The following PIGN variants were observed in gnomAD, a reference collection of about 807,000 sequenced individuals.
PIGN encodes the protein GPI ethanolamine phosphate transferase 1.
In PIGN, 117 loss-of-function variants were observed where a neutral mutation model predicts 125.4. The observed-to-expected ratio is 0.93, with a 90% CI of 0.80 to 1.09. The LOEUF (loss-of-function observed/expected upper bound fraction) is 1.09. Ranked by LOEUF, PIGN falls within the 50% of genes least tolerant of loss-of-function variation. The pLI, the probability that PIGN is intolerant of heterozygous loss-of-function variation, is 0.00. For missense variants in PIGN, 1,075 were observed against 1,094.9 expected (o/e 0.98, Z 0.26); for synonymous variants, 392 against 377.8 (o/e 1.04, Z -0.44).
chr18:62,111,304 T>C (rs984224848), intron 16 of PIGN, among the ~76,000 whole-genome samples: 5 of 152,108 alleles, frequency 3.3e-5, no homozygotes, highest in African/African-American at 4.8e-5. Context: ...TGGGGCTCAA[T>C]ACATACTACT....
At chr18:62,148,961 T>A (rs910808448) in intron 7 of PIGN, among the ~76,000 whole-genome samples, 1 of 152,188 alleles carries the variant, frequency 6.6e-6, no homozygotes, top group Non-Finnish European at 1.5e-5. Context: ...TAAATAATGA[T>A]AAACTAGATT....
Position 62,070,978 on chromosome 18 carries a change from T to G in PIGN, c.2672+1695A>C, listed in dbSNP as rs2145670654. 2.0e-5 allele frequency among the ~76,000 whole-genome samples: 3 copies of G among 152,104 alleles called. 1 individual carries two copies. The highest frequency in any genetic ancestry group is 2.0e-4 in the Admixed American group (3 of 15,282). On this transcript the variant is annotated intron_variant, in intron 30 of 30. Transcript: ENST00000640252. ...GGGCCACTGCACTCGGGTAATTTTT[T>G]TTTTGCTTTTTGTAGAAACAGGGTC... is the stretch of plus-strand genomic sequence containing the variant.
At chr18:62,046,296 AG>A (rs1412559716) in intron 30 of PIGN, among the ~76,000 whole-genome samples, 1 of 151,794 alleles carries the variant, frequency 6.6e-6, no homozygotes, top group African/African-American at 2.4e-5. Context: ...ACTTCAGACC[AG>A]GGGTCCCCAA....
At chr18:62,184,169 A>T (rs1156884807) in intron 1 of PIGN, among the ~76,000 whole-genome samples, 1 of 152,222 alleles carries the variant, frequency 6.6e-6, no homozygotes, top group Non-Finnish European at 1.5e-5. Context: ...TAAAACCTCA[A>T]GTCAACCAAA....
intron 28 of PIGN, among the ~76,000 whole-genome samples, chr18:62,077,370 C>T (rs4941105): frequency 0.3 from 45,777 of 151,912 alleles, 8,050 homozygotes; most frequent in East Asian, 0.58. Flanking sequence ...GAGACTCTGC[C>T]TCAAAACAAA....
chr18:62,136,913 C>G, intron 14 of PIGN: 1 of 392,722 alleles, frequency 2.5e-6, no homozygotes, highest in East Asian at 3.6e-5. Context: ...ACAGCAAAAT[C>G]TGCTGCTCAC....
At chr18:62,181,132 A>T (rs12458636) in intron 1 of PIGN, among the ~76,000 whole-genome samples, 62,331 of 151,954 alleles carry the variant, frequency 0.41, 13,460 homozygotes, top group East Asian at 0.78. Flanking sequence ...CATCAGAAAG[A>T]AAAAGGTTTT....
At chr18:62,073,170 G>GGGGT (rs1555676733) in intron 29 of PIGN, among the ~76,000 whole-genome samples, 26 of 145,480 alleles carry the variant, frequency 1.8e-4, no homozygotes, top group Middle Eastern at 7.1e-3. Flanking sequence ...AATTATCAGG[G>GGGGT]GTGTGTGTGT....
At chr18:62,164,468 C>T (rs148985165) in intron 1 of PIGN, among the ~76,000 whole-genome samples, 12 of 152,282 alleles carry the variant, frequency 7.9e-5, no homozygotes, top group East Asian at 1.9e-4. Context: ...AAAGGAGAAG[C>T]AAGCACGCCT....
At chr18:62,150,751 G>C (rs929866492) in intron 7 of PIGN, among the ~76,000 whole-genome samples, 3 of 152,146 alleles carry the variant, frequency 2.0e-5, no homozygotes, top group African/African-American at 7.2e-5. Flanking sequence ...CCAGGCTGGA[G>C]TGCAATGGCG....
chr18:62,161,269 C>T lies in PIGN; in HGVS notation c.85G>A (p.Val29Ile), dbSNP rs1325532879. ...GTAAACTGAGGAGTCATTCCATGAA[C>T]CAAAGGAGATGTAAAATAAATGTCA... Reference protein sequence around the residue: ...IFDIYFTSPLVHGMTPQFTPL... With the variant: ...IFDIYFTSPLIHGMTPQFTPL... The change falls in exon 4 of 31, where the codon GTT (valine) becomes ATT (isoleucine). Residue 29 changes from valine to isoleucine, a missense_variant. Coordinates refer to ENST00000640252, the MANE Select transcript of PIGN (RefSeq NM_176787.5). 6.2e-7 allele frequency: 1 copy of T among 1,613,416 alleles called. No individual in the cohort carries two copies. The highest frequency in any genetic ancestry group is 8.5e-7 in the Non-Finnish European group (1 of 1,179,752).
At chr18:62,126,609 T>C (rs1446213991) in intron 14 of PIGN, among the ~76,000 whole-genome samples, 1 of 152,188 alleles carries the variant, frequency 6.6e-6, no homozygotes, top group Non-Finnish European at 1.5e-5. Flanking sequence ...ATATTAGCAC[T>C]TCCTACGCTT....
Position 62,133,115 on chromosome 18 carries a change from G to A in PIGN, c.1172+5128C>T, listed in dbSNP as rs1201264239. 3.9e-5 allele frequency among the ~76,000 whole-genome samples: 6 copies of A among 152,128 alleles called. No individual in the cohort carries two copies. The East Asian group carries it at 7.7e-4, about 20-fold the overall frequency. The stretch of plus-strand genomic sequence containing the variant: ...ATATTCAATACTTTATTATACAGTC[G>A]GCTTTATGTTAGATGATTCTGACCA... On this transcript the variant is annotated intron_variant, in intron 14 of 30. Transcript: ENST00000640252.
chr18:62,088,497 T>C (rs1483544467), intron 25 of PIGN: 8 of 203,034 alleles, frequency 3.9e-5, no homozygotes, highest in Non-Finnish European at 6.8e-5. Context: ...AAAACACATT[T>C]TTAAAAAACA....
chr18:62,154,243 T>A, intron 7 of PIGN: 1 of 414,438 alleles, frequency 2.4e-6, no homozygotes, highest in Non-Finnish European at 4.2e-6. Context: ...ACTACAAGAG[T>A]CTGATTCCAT....
intron 23 of PIGN, among the ~76,000 whole-genome samples, chr18:62,021,198 T>C (rs2030051018): frequency 6.6e-6 from 1 of 152,214 alleles, no homozygotes; most frequent in Non-Finnish European, 1.5e-5. Context: ...GACTTATGCA[T>C]GGATGTTTAA....
chr18:62,088,979 A>G, intron 24 of PIGN, 137 bp from the exon 25 acceptor site: 1 of 589,594 alleles, frequency 1.7e-6, no homozygotes, highest in Non-Finnish European at 3.0e-6. Flanking sequence ...AATAAACAAT[A>G]AACAATAAAT....
At chr18:62,032,453 C>T (rs958720483) in intron 23 of PIGN, among the ~76,000 whole-genome samples, 3 of 152,150 alleles carry the variant, frequency 2.0e-5, no homozygotes, top group Admixed American at 6.5e-5. Flanking sequence ...CAAGTGTGCC[C>T]CAAGCCAACT....
intron 16 of PIGN, among the ~76,000 whole-genome samples, chr18:62,111,063 A>C (rs556797406): frequency 1.2e-4 from 19 of 152,032 alleles, no homozygotes; most frequent in African/African-American, 4.1e-4. Flanking sequence ...CATTCTATAC[A>C]AAGTGAACTA....
Sources: allele counts gnomAD v4.1 joint callset (sites outside exome capture counted in the v4.1 genomes callset), GRCh38; gene constraint gnomAD v4.1.1; transcripts MANE v1.5; gene names NCBI Gene and HGNC (gene_info 2026-07-23, HGNC 2026-07-21).